The following SNX29 variants were observed in gnomAD, a reference collection of about 807,000 sequenced individuals.
SNX29 encodes sorting nexin-29.
SNX29 carries 78 observed loss-of-function variants against 102.1 expected under a neutral mutation model. The observed-to-expected ratio is 0.76, with a 90% CI of 0.64 to 0.92. The LOEUF (loss-of-function observed/expected upper bound fraction) is 0.92. Ranked by LOEUF, SNX29 falls within the 40% of genes least tolerant of loss-of-function variation. The pLI, the probability that SNX29 is intolerant of heterozygous loss-of-function variation, is 0.00. For synonymous variants in SNX29, 580 were observed against 414.5 expected, an observed-to-expected ratio of 1.40 and a Z score of -4.85; for missense variants, 1,280 against 1,061.7, an observed-to-expected ratio of 1.21 and a Z score of -2.86.
intron 4 of SNX29, among the ~76,000 whole-genome samples, chr16:12,032,088 T>C (rs2057360363): frequency 6.6e-6 from 1 of 152,208 alleles, no homozygotes; most frequent in Non-Finnish European, 1.5e-5. Flanking sequence ...TTAGGTTCCT[T>C]GTACCAATGG....
chr16:12,269,088 C>T (rs1431948239), intron 14 of SNX29, among the ~76,000 whole-genome samples: 1 of 152,196 alleles, frequency 6.6e-6, no homozygotes, highest in Non-Finnish European at 1.5e-5. Flanking sequence ...TATACTTCTA[C>T]CAAACACAGT....
intron 16 of SNX29, among the ~76,000 whole-genome samples, chr16:12,360,433 C>T (rs1473401776): frequency 3.3e-5 from 5 of 152,212 alleles, no homozygotes; most frequent in African/African-American, 1.2e-4. Context: ...TCATGTTCCT[C>T]TGTCCCTTAC....
intron 11 of SNX29, chr16:12,089,703 A>ATT (rs888255018): frequency 4.7e-6 from 1 of 213,304 alleles, no homozygotes; most frequent in African/African-American, 2.4e-5. Context: ...GCTCGTGTAG[A>ATT]TTTTATCCCA....
chr16:12,453,539 G>C (rs2086400476), intron 18 of SNX29, among the ~76,000 whole-genome samples: 1 of 152,068 alleles, frequency 6.6e-6, no homozygotes, highest in South Asian at 2.1e-4. Context: ...CTGGAGTAAG[G>C]GCTCAGTAAT....
intron 15 of SNX29, among the ~76,000 whole-genome samples, chr16:12,292,314 G>C (rs778385237): frequency 3.3e-5 from 5 of 152,186 alleles, no homozygotes; most frequent in Non-Finnish European, 7.3e-5. Flanking sequence ...CTACTAGAGA[G>C]AGTCTTTTAG....
chr16:12,216,637 G>T (rs929328175), intron 14 of SNX29, among the ~76,000 whole-genome samples: 1 of 152,178 alleles, frequency 6.6e-6, no homozygotes, highest in Non-Finnish European at 1.5e-5. Flanking sequence ...GATTGTGGGT[G>T]TTGGCCGAGA....
chr16:12,200,881 C>G (rs1304120795), intron 14 of SNX29, among the ~76,000 whole-genome samples: 1 of 152,174 alleles, frequency 6.6e-6, no homozygotes, highest in Non-Finnish European at 1.5e-5. Context: ...ACCAGGACAT[C>G]ACACCAGTGT....
Position 12,524,861 on chromosome 16 carries a change from A to T in SNX29, c.2318+20A>T. On this transcript the variant is annotated intron_variant, in intron 20 of 20. Coordinates refer to ENST00000566228, the MANE Select transcript of SNX29 (RefSeq NM_032167.5). ...CTTCGTGTAAGTACTGCTCCCACGG[A>T]CATGGGCCGCCAGCCCTGCCAGCAT... 4.4e-6 allele frequency: 7 copies of T among 1,603,390 alleles called. No individual in the cohort carries two copies. Among genetic ancestry groups the T allele is most frequent in the Non-Finnish European group, 6.0e-6 (7 of 1,173,426 alleles).
intron 20 of SNX29, chr16:12,556,340 G>C (rs75057976): frequency 6.6e-6 from 1 of 152,188 alleles, no homozygotes; most frequent in Non-Finnish European, 1.5e-5. Context: ...CAGACCACTT[G>C]GACTTCACTC....
intron 1 of SNX29, among the ~76,000 whole-genome samples, chr16:11,983,235 A>ATTTTT (rs557542669): frequency 1.6e-4 from 21 of 129,612 alleles, no homozygotes; most frequent in East Asian, 1.4e-3. Flanking sequence ...CTGGGTTACA[A>ATTTTT]TTTTTTTTTT....
chr16:12,524,407 C>T (rs972972364), intron 19 of SNX29, among the ~76,000 whole-genome samples: 1 of 151,912 alleles, frequency 6.6e-6, no homozygotes, highest in African/African-American at 2.4e-5. Flanking sequence ...TGACCCCCAG[C>T]ACCACATTCG....
At chr16:12,340,418 G>T (rs1158316186) in intron 15 of SNX29, among the ~76,000 whole-genome samples, 1 of 152,206 alleles carries the variant, frequency 6.6e-6, no homozygotes, top group African/African-American at 2.4e-5. Flanking sequence ...GGAGGAAGGA[G>T]CTTTTATCTG....
intron 20 of SNX29, among the ~76,000 whole-genome samples, chr16:12,558,963 CAGAG>C (rs2141447759): frequency 6.6e-6 from 1 of 152,300 alleles, no homozygotes; most frequent in Non-Finnish European, 1.5e-5. Flanking sequence ...TTTCAGGTAA[CAGAG>C]GGATTCAGAG....
Position 11,981,248 on chromosome 16 carries a change from G to A in SNX29, c.7+4435G>A, listed in dbSNP as rs191007535. Among the ~76,000 whole-genome samples, 151 of 152,220 alleles carry A rather than the reference G, an allele frequency of 9.9e-4. 1 individual carries two copies. Among genetic ancestry groups the A allele is most frequent in the East Asian group, 5.8e-4 (3 of 5,184 alleles). ...GCCTCCCAAAGTGCTGGGATTACAG[G>A]CATGAGCCACCGCACCTGGCCAATT... On this transcript the variant is annotated intron_variant, in intron 1 of 20. Coordinates refer to ENST00000566228, the MANE Select transcript of SNX29 (RefSeq NM_032167.5).
chr16:12,091,614 T>C (rs1029637769), intron 11 of SNX29, among the ~76,000 whole-genome samples: 3 of 151,950 alleles, frequency 2.0e-5, no homozygotes, highest in African/African-American at 7.3e-5. Flanking sequence ...AGATAGACCC[T>C]GTCTCTACAC....
intron 14 of SNX29, among the ~76,000 whole-genome samples, chr16:12,261,105 TGTGCATGAGTCCC>T (rs2078738589): frequency 3.4e-5 from 5 of 148,346 alleles, no homozygotes; most frequent in Non-Finnish European, 7.5e-5. Context: ...AGGTGGGATC[TGTGCATGAGTCCC>T]CGGCTGGAGT....
At chr16:12,262,536 G>C (rs1467707131) in intron 14 of SNX29, among the ~76,000 whole-genome samples, 1 of 152,220 alleles carries the variant, frequency 6.6e-6, no homozygotes, top group Non-Finnish European at 1.5e-5. Flanking sequence ...AAAATGCAGC[G>C]ATGACAAAGA....
chr16:12,335,991 G>A (rs1331895747), intron 15 of SNX29, among the ~76,000 whole-genome samples: 1 of 152,190 alleles, frequency 6.6e-6, no homozygotes, highest in African/African-American at 2.4e-5. Flanking sequence ...CATCCGGGAA[G>A]ACAGTCTGTC....
intron 15 of SNX29, among the ~76,000 whole-genome samples, chr16:12,306,430 G>A (rs1428134836): frequency 6.6e-6 from 1 of 151,804 alleles, no homozygotes; most frequent in Non-Finnish European, 1.5e-5. Flanking sequence ...TATAAAACGA[G>A]GTCTGTTTAA....
Sources: allele counts gnomAD v4.1 joint callset (sites outside exome capture counted in the v4.1 genomes callset), GRCh38; gene constraint gnomAD v4.1.1; transcripts MANE v1.5; gene names NCBI Gene and HGNC (gene_info 2026-07-23, HGNC 2026-07-21).